The following SLC27A3 variants were observed in gnomAD, a reference collection of about 807,000 sequenced individuals.
The protein encoded by SLC27A3 is solute carrier family 27 member 3.
A neutral mutation model predicts 60.1 loss-of-function variants in SLC27A3; 60 were observed. The observed-to-expected ratio is 1.00, with a 90% CI of 0.81 to 1.24. The LOEUF is 1.24. Among genes scored for constraint, SLC27A3 ranks in the 50% most tolerant of loss-of-function variants. The pLI is 0.00. For missense variants in SLC27A3, 1,079 were observed against 929.9 expected (o/e 1.16, Z -2.09); for synonymous variants, 455 against 409.0 (o/e 1.11, Z -1.36).
At chr1:153,778,441 A>G in intron 5 of SLC27A3, 22 bp from the exon 6 acceptor site, 1 of 1,613,494 alleles carries the variant, frequency 6.2e-7, no homozygotes, top group Non-Finnish European at 8.5e-7. Context: ...ATGATCCAGT[A>G]CCCAGGTCTC....
Position 153,775,922 on chromosome 1 carries a change from CCGGAAG to C in SLC27A3, c.429_434del (p.Ser144_Gly145del). Reference sequence around the variant, plus strand: ...GCGCCGGGAGCCGGAGATGCAGCGGCCGGAAGCGGCGCGGAGTTTGCCGGAGGGGAC... The same window carrying C: ...GCGCCGGGAGCCGGAGATGCAGCGGCCGGCGCGGAGTTTGCCGGAGGGGAC... On this transcript the variant is annotated inframe_deletion, in exon 1 of 10. Transcript: ENST00000624995. 6.8e-7 allele frequency: 1 copy of C among 1,462,576 alleles called. No individual in the cohort carries two copies. Among genetic ancestry groups the C allele is most frequent in the East Asian group, 2.7e-5 (1 of 37,640 alleles). 90.6% of individuals were successfully genotyped at this position (1,462,576 alleles called of 1,614,324 possible). A position where few individuals can be genotyped will look rare whatever the true frequency, so the allele number is the denominator to read the frequency against.
In SLC27A3 at chr1:153,775,738, C is replaced by A. The variant is rs746971043; in HGVS notation, c.241C>A (p.His81Asn). 6.6e-7 allele frequency: 1 copy of A among 1,517,402 alleles called. No homozygotes were observed. The highest frequency in any genetic ancestry group is 2.3e-5 in the East Asian group (1 of 42,748). The allele number at this position is 1,517,402 out of a possible 1,614,324, so 94.0% of individuals were successfully genotyped here. ...LAELAQQRAA[H>N]TFLIHGSRRF... ...GGAACTGGCCCAGCAGCGCGCCGCG[C>A]ACACCTTTCTCATTCACGGCTCGCG... is the stretch of plus-strand genomic sequence containing the variant. Residue 81 changes from histidine (H) to asparagine (N), a missense_variant, in exon 1 of 10, where the codon CAC (histidine) becomes AAC (asparagine). His to Asn is a moderately conservative substitution (Grantham distance 68). Transcript: ENST00000624995.
At position 153,775,953 on chromosome 1, in the gene SLC27A3, C is replaced by T. The variant is rs370083818; in HGVS notation, c.456C>T (p.Asp152=). The part of the protein sequence containing the change: ...AGSGAEFAGG[D]GAARGGGAAA... The stretch of plus-strand genomic sequence containing the variant: ...GCGGCGCGGAGTTTGCCGGAGGGGA[C>T]GGTGCCGCCAGAGGTGGAGGAGCCG... The change falls in exon 1 of 10, where the codon GAC becomes GAT. Residue 152 remains aspartate, a synonymous_variant. Transcript: ENST00000624995. 3 of 1,445,904 alleles carry T rather than the reference C, an allele frequency of 2.1e-6. No individual in the cohort carries two copies. Among genetic ancestry groups the T allele is most frequent in the East Asian group, 2.7e-5 (1 of 37,208 alleles). 89.6% of individuals were successfully genotyped at this position (1,445,904 alleles called of 1,614,324 possible).
Position 153,775,712 on chromosome 1 carries a change from C to A in SLC27A3, c.215C>A (p.Ala72Glu), listed in dbSNP as rs781486036. 6 of 1,527,164 alleles carry A rather than the reference C, an allele frequency of 3.9e-6. No individual in the cohort carries two copies. Among genetic ancestry groups the A allele is most frequent in the South Asian group, 1.3e-5 (1 of 77,866 alleles). The allele number at this position is 1,527,164 out of a possible 1,614,324, so 94.6% of individuals were successfully genotyped here. The change falls in exon 1 of 10, where the codon GCG becomes GAG. Residue 72 changes from alanine to glutamate, a missense_variant. Ala to Glu is a moderately radical substitution (Grantham distance 107). Transcript: ENST00000624995. ...EGGCSLAWRLAELAQQRAAHT... is the reference protein window; with the variant it reads ...EGGCSLAWRLEELAQQRAAHT... Reference sequence around the variant, plus strand: ...GGCTGCAGCCTGGCCTGGCGCCTCGCGGAACTGGCCCAGCAGCGCGCCGCG... The same window carrying A: ...GGCTGCAGCCTGGCCTGGCGCCTCGAGGAACTGGCCCAGCAGCGCGCCGCG...
chr1:153,778,449 C>A lies in SLC27A3; in HGVS notation c.1357-14C>A. On this transcript the variant is annotated splice_polypyrimidine_tract_variant and intron_variant, in intron 5 of 9. Transcript: ENST00000624995. ...GACTGCAATGATCCAGTACCCAGGT[C>A]TCCCTTTCCCCAGCATATCTTCCCC... 6.2e-7 allele frequency: 1 copy of A among 1,613,898 alleles called. No individual in the cohort carries two copies. The highest frequency in any genetic ancestry group is 8.5e-7 in the Non-Finnish European group (1 of 1,179,726).
In SLC27A3 at chr1:153,776,056, C is replaced by T. The variant is rs373932258; in HGVS notation, c.559C>T (p.Leu187=). ...AGAGTTTCTGTGGCTCTGGTTCGGG[C>T]TGGCCAAGGCCGGCCTGCGCACTGC... The part of the protein sequence containing the change: ...GPEFLWLWFG[L]AKAGLRTAFV... Residue 187 remains leucine (L), a synonymous_variant, in exon 1 of 10, where the codon CTG becomes TTG. Transcript: ENST00000624995. 3.4e-6 allele frequency: 5 copies of T among 1,464,362 alleles called. No individual in the cohort carries two copies. The African/African-American group carries it at 6.0e-5, about 17-fold the overall frequency. 90.7% of individuals were successfully genotyped at this position (1,464,362 alleles called of 1,614,324 possible). A position where few individuals can be genotyped will look rare whatever the true frequency, so the allele number is the denominator to read the frequency against.
rs770429395 is a variant in SLC27A3, at chr1:153,775,876, G to A, written c.379G>A (p.Ala127Thr). 2.2e-5 allele frequency: 33 copies of A among 1,489,588 alleles called. No homozygotes were observed. The highest frequency in any genetic ancestry group is 2.7e-5 in the Non-Finnish European group (30 of 1,126,116). The allele number at this position is 1,489,588 out of a possible 1,614,324, so 92.3% of individuals were successfully genotyped here. A position where few individuals can be genotyped will look rare whatever the true frequency, so the allele number is the denominator to read the frequency against. The stretch of plus-strand genomic sequence containing the variant: ...CGGCGGCGACAGCGGCGAGGGGAGC[G>A]CTGGAGAAGGCGAGCGGGCAGCGCC... ...PDGGDSGEGS[A>T]GEGERAAPGA... is the part of the protein sequence containing the mutation. Residue 127 changes from alanine to threonine, a missense_variant, in exon 1 of 10, where the codon GCT (alanine) becomes ACT (threonine). By Grantham distance (58) the Ala-to-Thr change is moderately conservative (BLOSUM62 0). Transcript: ENST00000624995.
rs1406253728 is a variant in SLC27A3 at position 153,779,940 on chromosome 1, G to A, written c.1990G>A (p.Ala664Thr). The A allele has an allele frequency of 2.5e-6, 4 of 1,614,158 alleles. No homozygotes were observed. Among genetic ancestry groups the A allele is most frequent in the Non-Finnish European group, 3.4e-6 (4 of 1,180,016 alleles). ...PLYVLDQAVG[A>T]YLPLTTARYS... ...GTACGTTCTGGACCAGGCTGTAGGTGCCTACCTGCCCCTCACAACTGCCCG... is the reference window on the plus strand; with the variant it reads ...GTACGTTCTGGACCAGGCTGTAGGTACCTACCTGCCCCTCACAACTGCCCG... The change falls in exon 10 of 10, where the codon GCC becomes ACC. Residue 664 changes from alanine to threonine, a missense_variant. Transcript: ENST00000624995.
In SLC27A3 at chr1:153,776,688, A is replaced by G. The variant is rs200391365; in HGVS notation, c.838A>G (p.Thr280Ala). Residue 280 changes from threonine to alanine, a missense_variant, in exon 2 of 10, where the codon ACA becomes GCA. Physicochemically the swap from Thr to Ala is moderately conservative, Grantham distance 58 (BLOSUM62 0). Coordinates refer to ENST00000624995, the MANE Select transcript of SLC27A3 (RefSeq NM_024330.4). ...PGYLSSPQSI[T>A]DTCLYIFTSG... The stretch of plus-strand genomic sequence containing the variant: ...ATACCTCTCTTCCCCCCAGAGCATA[A>G]CAGACACGTGCCTGTACATCTTCAC... The G allele has an allele frequency of 9.9e-6, 16 of 1,614,176 alleles. No individual in the cohort carries two copies. Among genetic ancestry groups the G allele is most frequent in the East Asian group, 2.2e-5 (1 of 44,874 alleles).
rs373048603 is a variant in SLC27A3 at position 153,778,271 on chromosome 1, A to G, written c.1272A>G (p.Thr424=). ...RRFGPLQVLE[T]YGLTEGNVAT... is the part of the protein sequence containing the mutation. Reference sequence around the variant, plus strand: ...TCGGGCCCCTGCAGGTGCTGGAGACATATGGACTGACAGAGGGCAACGTGG... The same window carrying G: ...TCGGGCCCCTGCAGGTGCTGGAGACGTATGGACTGACAGAGGGCAACGTGG... The change falls in exon 5 of 10, where the codon ACA becomes ACG. Residue 424 remains threonine, a synonymous_variant. Coordinates refer to ENST00000624995, the MANE Select transcript of SLC27A3 (RefSeq NM_024330.4). 2.8e-5 allele frequency: 45 copies of G among 1,614,084 alleles called. No individual in the cohort carries two copies. Among genetic ancestry groups the G allele is most frequent in the Middle Eastern group, 1.6e-4 (1 of 6,084 alleles).
In SLC27A3 at chr1:153,776,100, G is replaced by C. The variant is rs750161886; in HGVS notation, c.603G>C (p.Leu201=). Residue 201 remains leucine, a synonymous_variant, in exon 1 of 10, where the codon CTG becomes CTC. Transcript: ENST00000624995. ...GCACTGCCTTTGTGCCCACCGCCCT[G>C]CGCCGGGGCCCCCTGCTGCACTGCC... ...GLRTAFVPTA[L]RRGPLLHCLR... 1 of 1,481,182 alleles carries C rather than the reference G, an allele frequency of 6.8e-7. No individual in the cohort carries two copies. The highest frequency in any genetic ancestry group is 8.8e-7 in the Non-Finnish European group (1 of 1,130,350). 91.8% of individuals were successfully genotyped at this position (1,481,182 alleles called of 1,614,324 possible). A position where few individuals can be genotyped will look rare whatever the true frequency, so the allele number is the denominator to read the frequency against.
Position 153,776,674 on chromosome 1 carries a change from C to A in SLC27A3, c.824C>A (p.Ser275Tyr), listed in dbSNP as rs1208478605. 5.6e-6 allele frequency: 9 copies of A among 1,614,048 alleles called. No individual in the cohort carries two copies. Among genetic ancestry groups the A allele is most frequent in the Non-Finnish European group, 6.8e-6 (8 of 1,179,972 alleles). Residue 275 changes from serine to tyrosine, a missense_variant, in exon 2 of 10, where the codon TCC becomes TAC. Ser to Tyr is a moderately radical substitution (Grantham distance 144). Transcript: ENST00000624995. ...VDGPVPGYLS[S>Y]PQSITDTCLY... The stretch of plus-strand genomic sequence containing the variant: ...GGGCCAGTGCCAGGATACCTCTCTT[C>A]CCCCCAGAGCATAACAGACACGTGC...
At position 153,775,445 on chromosome 1, in the gene SLC27A3, G is replaced by A. The variant is rs1404358876; in HGVS notation, c.-53G>A. On this transcript the variant is annotated 5_prime_UTR_variant, in exon 1 of 10. Transcript: ENST00000624995. ...CTAGGTTTTCGGAAGGGAGGATCAG[G>A]GATGTTTGCGAGCGGCTGGAACCAG... is the stretch of plus-strand genomic sequence containing the variant. The A allele has an allele frequency of 6.2e-7, 1 of 1,612,316 alleles. No individual in the cohort carries two copies. The highest frequency in any genetic ancestry group is 8.5e-7 in the Non-Finnish European group (1 of 1,180,028).
Position 153,775,657 on chromosome 1 carries a change from GC to G in SLC27A3, c.161del (p.Ala54ValfsTer58). 1.3e-6 allele frequency: 2 copies of G among 1,530,334 alleles called. No homozygotes were observed. Among genetic ancestry groups the G allele is most frequent in the Non-Finnish European group, 1.8e-6 (2 of 1,139,746 alleles). The allele number at this position is 1,530,334 out of a possible 1,614,324, so 94.8% of individuals were successfully genotyped here. ...TCTTCGAGCTCGCGCCCTGGCCGCG[GC>G]TGCCGCCGACCCGGAAGGTCCCGAG... ...RALRARALAA[A>X]AADPEGPEGG... is the part of the protein sequence containing the mutation. On this transcript the variant is annotated frameshift_variant, in exon 1 of 10. Transcript: ENST00000624995. LOFTEE classifies it high-confidence loss of function.
rs200175316 is a variant in SLC27A3, at chr1:153,777,744, C to A, written c.1037-17C>A. 24 of 1,611,050 alleles carry A rather than the reference C, an allele frequency of 1.5e-5. No homozygotes were observed. In the South Asian group the frequency reaches 2.6e-4, roughly 18 times the overall value. On this transcript the variant is annotated splice_polypyrimidine_tract_variant and intron_variant, in intron 3 of 9. Transcript: ENST00000624995. ...CTAATCTTACCTCCCTTCTTCCCCCCTGCCCACTTCTGGCAGGGGCCACAG... is the reference window on the plus strand; with the variant it reads ...CTAATCTTACCTCCCTTCTTCCCCCATGCCCACTTCTGGCAGGGGCCACAG...
At chr1:153,776,782 G>A (rs1305746475) in intron 2 of SLC27A3, 55 bp downstream of exon 2, 16 of 1,557,134 alleles carry the variant, frequency 1.0e-5, no homozygotes, top group Non-Finnish European at 1.4e-5. Flanking sequence ...GGAAGGCAGG[G>A]GTCTGCTCCC....
Position 153,778,293 on chromosome 1 carries a change from G to A in SLC27A3, c.1294G>A (p.Val432Met), listed in dbSNP as rs139458875. 9.7e-5 allele frequency: 156 copies of A among 1,614,088 alleles called. No homozygotes were observed. The highest frequency in any genetic ancestry group is 7.6e-4 in the East Asian group (34 of 44,896). Residue 432 changes from valine to methionine, a missense_variant, in exon 5 of 10, where the codon GTG becomes ATG. Val to Met is a conservative substitution (Grantham distance 21). Coordinates refer to ENST00000624995, the MANE Select transcript of SLC27A3 (RefSeq NM_024330.4). ...LETYGLTEGN[V>M]ATINYTGQRG... ...GACATATGGACTGACAGAGGGCAACGTGGCCACCATCAACTACACAGGACA... is the reference window on the plus strand; with the variant it reads ...GACATATGGACTGACAGAGGGCAACATGGCCACCATCAACTACACAGGACA...
At chr1:153,779,280 G>C in intron 8 of SLC27A3, 63 bp from the exon 9 acceptor site, 2 of 1,613,892 alleles carry the variant, frequency 1.2e-6, no homozygotes, top group Non-Finnish European at 1.7e-6. Flanking sequence ...TGGGCGCAGG[G>C]AGCACGAGGC....
Position 153,778,250 on chromosome 1 carries a change from G to GC in SLC27A3, c.1255dup (p.Leu419ProfsTer45), listed in dbSNP as rs770078882. 2 of 1,614,090 alleles carry GC rather than the reference G, an allele frequency of 1.2e-6. No individual in the cohort carries two copies. Among genetic ancestry groups the GC allele is most frequent in the Admixed American group, 3.3e-5 (2 of 60,034 alleles). On this transcript the variant is annotated frameshift_variant, in exon 5 of 10. Transcript: ENST00000624995. LOFTEE classifies it high-confidence loss of function. ...GGGAGCGTTTTGTGCGGCGCTTCGG[G>GC]CCCCTGCAGGTGCTGGAGACATATG...
Sources: allele counts gnomAD v4.1 joint callset, GRCh38; gene constraint gnomAD v4.1.1; transcripts MANE v1.5; gene names NCBI Gene and HGNC (gene_info 2026-07-23, HGNC 2026-07-21).